ZNF407: variants seen among roughly 807,000 people sequenced by gnomAD.
The protein encoded by ZNF407 is zinc finger protein 407.
In ZNF407, 17 loss-of-function variants were observed where a neutral mutation model predicts 131.2. The observed-to-expected ratio is 0.13, with a 90% CI of 0.09 to 0.19. The LOEUF is 0.19. ZNF407 is among the 10% of genes least tolerant of loss of function. The probability of loss-of-function intolerance (pLI) is 1.00; values close to 1 mark genes in which losing one functional copy is unlikely to be tolerated. For synonymous variants in ZNF407, 1,156 were observed against 1,062.0 expected (o/e 1.09, Z -1.72); for missense variants, 2,681 against 2,830.6 (o/e 0.95, Z 1.20).
chr18:75,019,515 T>C (rs1270567064), intron 8 of ZNF407, among the ~76,000 whole-genome samples: 1 of 152,156 alleles, frequency 6.6e-6, no homozygotes, highest in Non-Finnish European at 1.5e-5. Context: ...TATTTTAAAT[T>C]GCAAGCCATT....
chr18:74,890,275 G>A lies in ZNF407; in HGVS notation c.5249+237G>A, dbSNP rs1231173514. On this transcript the variant is annotated intron_variant, in intron 7 of 8. Coordinates refer to ENST00000299687, the MANE Select transcript of ZNF407 (RefSeq NM_017757.3). The stretch of plus-strand genomic sequence containing the variant: ...GAGTCGTGTATCCCCTACCCCACAC[G>A]TGTAGAGCCTCTTTCGTTATCAACA... Among the ~76,000 whole-genome samples, 3 of 152,230 alleles carry A rather than the reference G, an allele frequency of 2.0e-5. No individual in the cohort carries two copies. The East Asian group carries it at 5.8e-4, about 29-fold the overall frequency.
In ZNF407 at chr18:74,816,324, A is replaced by C. The variant is rs948947193; in HGVS notation, c.4877+34822A>C. Among the ~76,000 whole-genome samples the C allele has an allele frequency of 5.9e-5, 9 of 152,308 alleles. No individual in the cohort carries two copies. In the East Asian group the frequency reaches 1.5e-3, roughly 26 times the overall value. On this transcript the variant is annotated intron_variant, in intron 4 of 8. Coordinates refer to ENST00000299687, the MANE Select transcript of ZNF407 (RefSeq NM_017757.3). Reference sequence around the variant, plus strand: ...TCTTTCCAAAATTAAGATTTCATTAATTAACAAGAGCTTTTATTTGTGGAA... The same window carrying C: ...TCTTTCCAAAATTAAGATTTCATTACTTAACAAGAGCTTTTATTTGTGGAA...
chr18:74,810,175 T>G (rs1970173626), intron 4 of ZNF407, among the ~76,000 whole-genome samples: 1 of 151,908 alleles, frequency 6.6e-6, no homozygotes, highest in African/African-American at 2.4e-5. Context: ...CTGAAACTAG[T>G]GGGAAAGGGA....
At chr18:74,987,564 A>G (rs1455962805) in intron 8 of ZNF407, among the ~76,000 whole-genome samples, 6 of 152,180 alleles carry the variant, frequency 3.9e-5, no homozygotes. Flanking sequence ...AGTGACAAAT[A>G]AAATTCTTGA....
chr18:74,907,651 G>A (rs944601577), intron 7 of ZNF407, among the ~76,000 whole-genome samples: 15 of 152,188 alleles, frequency 9.9e-5, no homozygotes, highest in African/African-American at 2.7e-4. Context: ...GAATTCCCTA[G>A]TATGGATGCA....
intron 3 of ZNF407, among the ~76,000 whole-genome samples, chr18:74,693,260 T>TTTGC (rs1206887802): frequency 2.6e-5 from 4 of 152,250 alleles, no homozygotes; most frequent in Admixed American, 2.6e-4. Flanking sequence ...CGAGAAAAGT[T>TTTGC]AGACTTTTGC....
chr18:75,045,067 G>T (rs1389472308), intron 8 of ZNF407, among the ~76,000 whole-genome samples: 1 of 150,668 alleles, frequency 6.6e-6, no homozygotes, highest in Non-Finnish European at 1.5e-5. Context: ...GGTGTGGGGG[G>T]GTGTGGGCAT....
chr18:74,760,494 C>G (rs572436029), intron 3 of ZNF407, among the ~76,000 whole-genome samples: 56 of 152,186 alleles, frequency 3.7e-4, no homozygotes, highest in African/African-American at 1.2e-3. Context: ...TTTGGCTAGC[C>G]TCTTATTCTC....
intron 1 of ZNF407, among the ~76,000 whole-genome samples, chr18:74,609,077 A>G: frequency 6.6e-6 from 1 of 152,150 alleles, no homozygotes; most frequent in East Asian, 1.9e-4. Context: ...GTTATTATTT[A>G]TTAGAACCAA....
intron 4 of ZNF407, among the ~76,000 whole-genome samples, chr18:74,864,071 T>A (rs1970976506): frequency 6.6e-6 from 1 of 152,228 alleles, no homozygotes. Context: ...ATGTAGACTC[T>A]ATGGGCAGGA....
chr18:74,835,298 T>G (rs1207628384), intron 4 of ZNF407, among the ~76,000 whole-genome samples: 2 of 152,226 alleles, frequency 1.3e-5, no homozygotes, highest in African/African-American at 2.4e-5. Flanking sequence ...TCGTGCCACT[T>G]TCTCTCTCAC....
chr18:74,997,400 C>T (rs1331545780), intron 8 of ZNF407, among the ~76,000 whole-genome samples: 1 of 152,146 alleles, frequency 6.6e-6, no homozygotes, highest in East Asian at 1.9e-4. Context: ...GACAAAGTTA[C>T]TGGGCCCAGC....
rs558504954 is a variant in ZNF407 at position 74,767,747 on chromosome 18, G to A, written c.4803-13681G>A. Among the ~76,000 whole-genome samples the A allele has an allele frequency of 2.2e-4, 32 of 147,704 alleles. 1 individual carries two copies. The highest frequency in any genetic ancestry group is 1.7e-3 in the South Asian group (8 of 4,696). The stretch of plus-strand genomic sequence containing the variant: ...CGGCTCACTGCAAGCTCCGTCTCCC[G>A]GGTTCATGCCATTCTCCTGCCTCAG... On this transcript the variant is annotated intron_variant, in intron 3 of 8. Coordinates refer to ENST00000299687, the MANE Select transcript of ZNF407 (RefSeq NM_017757.3).
At chr18:74,778,092 G>A (rs1196056167) in intron 3 of ZNF407, among the ~76,000 whole-genome samples, 1 of 152,186 alleles carries the variant, frequency 6.6e-6, no homozygotes. Flanking sequence ...CTGTTCAGAT[G>A]CCTGAGATGG....
At chr18:74,826,777 C>T (rs1970415491) in intron 4 of ZNF407, among the ~76,000 whole-genome samples, 1 of 152,128 alleles carries the variant, frequency 6.6e-6, no homozygotes, top group African/African-American at 2.4e-5. Context: ...TCACTGGCAG[C>T]ATGAGGGTTA....
chr18:74,734,073 T>G (rs2144902029), intron 3 of ZNF407, among the ~76,000 whole-genome samples: 1 of 152,066 alleles, frequency 6.6e-6, no homozygotes, highest in Non-Finnish European at 1.5e-5. Flanking sequence ...CTGACAAGAG[T>G]GAAAAGAACG....
intron 8 of ZNF407, among the ~76,000 whole-genome samples, chr18:74,953,150 C>T (rs1191593878): frequency 2.0e-5 from 3 of 152,082 alleles, no homozygotes; most frequent in Non-Finnish European, 4.4e-5. Flanking sequence ...GGAAATGAGA[C>T]GTCTTGGCAA....
chr18:74,904,037 A>G (rs1971563154), intron 7 of ZNF407, among the ~76,000 whole-genome samples: 1 of 152,210 alleles, frequency 6.6e-6, no homozygotes, highest in African/African-American at 2.4e-5. Context: ...GATATATGCC[A>G]GACTTCTGTG....
intron 3 of ZNF407, among the ~76,000 whole-genome samples, chr18:74,752,339 G>A (rs1228622636): frequency 3.9e-5 from 6 of 152,000 alleles, no homozygotes; most frequent in Admixed American, 6.6e-5. Context: ...GTTCACTCTG[G>A]TGGTAGTTTC....
Sources: allele counts gnomAD v4.1 joint callset (sites outside exome capture counted in the v4.1 genomes callset), GRCh38; gene constraint gnomAD v4.1.1; transcripts MANE v1.5; gene names NCBI Gene and HGNC (gene_info 2026-07-23, HGNC 2026-07-21).